DPYSL2: variants seen among roughly 807,000 people sequenced by gnomAD.
DPYSL2 encodes the protein dihydropyrimidinase like 2, also known as dihydropyrimidinase-related protein 2.
DPYSL2 carries 13 observed loss-of-function variants against 69.9 expected under a neutral mutation model. The observed-to-expected ratio is 0.19, with a 90% confidence interval of 0.12 to 0.30. The LOEUF (loss-of-function observed/expected upper bound fraction) is 0.30, where lower values mean the gene tolerates loss of function less well. DPYSL2 is among the 10% of genes least tolerant of loss of function. The pLI, the probability that DPYSL2 is intolerant of heterozygous loss-of-function variation, is 1.00. For missense variants in DPYSL2, 587 were observed against 918.9 expected (o/e 0.64, Z 4.67); for synonymous variants, 326 against 359.1 (o/e 0.91, Z 1.04).
At chr8:26,543,344 A>G (rs1470841504) in intron 1 of DPYSL2, among the ~76,000 whole-genome samples, 1 of 152,160 alleles carries the variant, frequency 6.6e-6, no homozygotes, top group Non-Finnish European at 1.5e-5. Flanking sequence ...CTCCCTTCAC[A>G]CTTCCTTCTG....
At chr8:26,579,007 G>T (rs912723705) in intron 1 of DPYSL2, among the ~76,000 whole-genome samples, 2 of 152,234 alleles carry the variant, frequency 1.3e-5, no homozygotes, top group African/African-American at 2.4e-5. Flanking sequence ...CCCTGGCGGG[G>T]ATTCGGGCTC....
chr8:26,600,454 A>T (rs537551762), intron 3 of DPYSL2, among the ~76,000 whole-genome samples: 5 of 152,288 alleles, frequency 3.3e-5, no homozygotes, highest in African/African-American at 1.2e-4. Flanking sequence ...CCTTGCCAAC[A>T]CTTGCTATTG....
intron 1 of DPYSL2, among the ~76,000 whole-genome samples, chr8:26,515,221 C>T (rs1350598995): frequency 3.9e-4 from 60 of 152,332 alleles, no homozygotes; most frequent in Non-Finnish European, 2.9e-5. Flanking sequence ...CAGCGCCCCC[C>T]GGACCCCCTC....
At position 26,650,006 on chromosome 8, in the gene DPYSL2, C is replaced by T. The variant is rs532823084; in HGVS notation, c.1596+2206C>T. ...CATTTATAAGCAACAAGACTCAACG[C>T]ATGCATTGTGTGAGATCTTGGATGC... On this transcript the variant is annotated intron_variant, in intron 11 of 13. Coordinates refer to ENST00000521913, the MANE Select transcript of DPYSL2 (RefSeq NM_001197293.3). The surrounding 1 kb of genome is among the most constrained non-coding windows in gnomAD (Gnocchi z 5.3). 1.3e-5 allele frequency among the ~76,000 whole-genome samples: 2 copies of T among 152,248 alleles called. No individual in the cohort carries two copies. Among genetic ancestry groups the T allele is most frequent in the African/African-American group, 4.8e-5 (2 of 41,542 alleles).
At chr8:26,632,608 G>T (rs1802804473) in intron 7 of DPYSL2, among the ~76,000 whole-genome samples, 1 of 152,206 alleles carries the variant, frequency 6.6e-6, no homozygotes, top group African/African-American at 2.4e-5. Context: ...GGAGGCCGAG[G>T]TGGGAAGATT....
intron 3 of DPYSL2, among the ~76,000 whole-genome samples, chr8:26,613,802 T>C (rs982840638): frequency 1.3e-5 from 2 of 152,054 alleles, no homozygotes; most frequent in African/African-American, 4.8e-5. Flanking sequence ...GTGAGTGGAA[T>C]CTAATGAGTG....
Position 26,587,606 on chromosome 8 carries a change from T to C in DPYSL2, c.628+3623T>C, listed in dbSNP as rs1563398368. On this transcript the variant is annotated intron_variant, in intron 3 of 13. Transcript: ENST00000521913. This position sits in a 1 kb window ranked among gnomAD's most constrained non-coding sequence, Gnocchi z 4.2. ...CAGCAGAAGATAATATTATTGCCAT[T>C]AAACAGAGCCTGCTATTGAGAATCA... Among the ~76,000 whole-genome samples the C allele has an allele frequency of 6.6e-6, 1 of 152,222 alleles. No individual in the cohort carries two copies. Among genetic ancestry groups the C allele is most frequent in the Non-Finnish European group, 1.5e-5 (1 of 68,042 alleles).
intron 1 of DPYSL2, among the ~76,000 whole-genome samples, chr8:26,537,697 C>A (rs1178124307): frequency 2.6e-5 from 4 of 151,608 alleles, no homozygotes; most frequent in African/African-American, 7.3e-5. Flanking sequence ...CCCCTTAATA[C>A]TTCAGTGTAT....
intron 3 of DPYSL2, among the ~76,000 whole-genome samples, chr8:26,589,521 A>G (rs1801675849): frequency 6.6e-6 from 1 of 152,262 alleles, no homozygotes; most frequent in South Asian, 2.1e-4. Flanking sequence ...AGTGATGCCA[A>G]GAGACTTAGT....
intron 11 of DPYSL2, among the ~76,000 whole-genome samples, chr8:26,651,072 A>G (rs982659747): frequency 1.3e-5 from 2 of 152,208 alleles, no homozygotes; most frequent in Non-Finnish European, 2.9e-5. Flanking sequence ...AGACAATTTT[A>G]AGTCTTGGGT....
chr8:26,628,449 G>T (rs1214708094), intron 7 of DPYSL2, among the ~76,000 whole-genome samples: 1 of 152,236 alleles, frequency 6.6e-6, no homozygotes, highest in Non-Finnish European at 1.5e-5. Context: ...CAGAGCAGGG[G>T]CCTGTGCTGG....
rs977398739 is a variant in DPYSL2, at chr8:26,516,913, A to C, written c.354+2234A>C. On this transcript the variant is annotated intron_variant, in intron 1 of 13. Coordinates refer to ENST00000521913, the MANE Select transcript of DPYSL2 (RefSeq NM_001197293.3). This position sits in a 1 kb window ranked among gnomAD's most constrained non-coding sequence, Gnocchi z 4.8. ...AAAAGGGGAAAGGCTGTGGCTATAC[A>C]TGTGTTTATATTTATAACAATGTGA... 6.6e-6 allele frequency among the ~76,000 whole-genome samples: 1 copy of C among 152,186 alleles called. No individual in the cohort carries two copies. Among genetic ancestry groups the C allele is most frequent in the African/African-American group, 2.4e-5 (1 of 41,442 alleles).
chr8:26,614,147 T>A lies in DPYSL2; in HGVS notation c.629-9996T>A, dbSNP rs1406687866. ...CTGTCTCAAAAAAATAAATAAAAGA[T>A]AAAAAATAAAGAAAATGAGGGTGGA... On this transcript the variant is annotated intron_variant, in intron 3 of 13. Transcript: ENST00000521913. The surrounding 1 kb of genome is among the most constrained non-coding windows in gnomAD (Gnocchi z 4.9). Among the ~76,000 whole-genome samples, 1 of 151,500 alleles carries A rather than the reference T, an allele frequency of 6.6e-6. No individual in the cohort carries two copies. Among genetic ancestry groups the A allele is most frequent in the African/African-American group, 2.4e-5 (1 of 41,182 alleles).
In DPYSL2 at chr8:26,650,004, C is replaced by T. The variant is rs768827800; in HGVS notation, c.1596+2204C>T. 9.4e-4 allele frequency among the ~76,000 whole-genome samples: 143 copies of T among 152,158 alleles called. No homozygotes were observed. The highest frequency in any genetic ancestry group is 1.5e-3 in the Non-Finnish European group (102 of 68,022). ...CTCATTTATAAGCAACAAGACTCAACGCATGCATTGTGTGAGATCTTGGAT... is the reference window on the plus strand; with the variant it reads ...CTCATTTATAAGCAACAAGACTCAATGCATGCATTGTGTGAGATCTTGGAT... On this transcript the variant is annotated intron_variant, in intron 11 of 13. Transcript: ENST00000521913. This position sits in a 1 kb window ranked among gnomAD's most constrained non-coding sequence, Gnocchi z 5.3.
chr8:26,550,701 A>G (rs1800860686), intron 1 of DPYSL2, among the ~76,000 whole-genome samples: 2 of 152,208 alleles, frequency 1.3e-5, no homozygotes, highest in South Asian at 4.1e-4. Flanking sequence ...TCACTCTGTT[A>G]TGAAGGCTGA....
At chr8:26,526,187 TG>T (rs1179195105) in intron 1 of DPYSL2, among the ~76,000 whole-genome samples, 7 of 152,124 alleles carry the variant, frequency 4.6e-5, no homozygotes, top group Non-Finnish European at 1.0e-4. Context: ...CGCTGCCTCC[TG>T]GGTTCAAGCG....
chr8:26,586,785 C>T lies in DPYSL2; in HGVS notation c.628+2802C>T, dbSNP rs1273171690. On this transcript the variant is annotated intron_variant, in intron 3 of 13. Transcript: ENST00000521913. The surrounding 1 kb of genome is among the most constrained non-coding windows in gnomAD (Gnocchi z 4.7). Reference sequence around the variant, plus strand: ...CGGAAAGGGGAGTGAGGAGTCTGACCGCCTGCTCTGCTTCCTTGGCCAGAA... The same window carrying T: ...CGGAAAGGGGAGTGAGGAGTCTGACTGCCTGCTCTGCTTCCTTGGCCAGAA... Among the ~76,000 whole-genome samples, 4 of 152,132 alleles carry T rather than the reference C, an allele frequency of 2.6e-5. No individual in the cohort carries two copies. Among genetic ancestry groups the T allele is most frequent in the South Asian group, 2.1e-4 (1 of 4,828 alleles).
At chr8:26,552,336 C>T (rs1382171064) in intron 1 of DPYSL2, among the ~76,000 whole-genome samples, 1 of 151,682 alleles carries the variant, frequency 6.6e-6, no homozygotes, top group Non-Finnish European at 1.5e-5. Flanking sequence ...GGAGACTAGA[C>T]AAAGAAGAGC....
At position 26,619,343 on chromosome 8, in the gene DPYSL2, G is replaced by A. The variant is rs1041776989; in HGVS notation, c.629-4800G>A. On this transcript the variant is annotated intron_variant, in intron 3 of 13. Transcript: ENST00000521913. The surrounding 1 kb of genome is among the most constrained non-coding windows in gnomAD (Gnocchi z 4.8). The stretch of plus-strand genomic sequence containing the variant: ...ATGGACACGTTTCTGAGTGTTATGA[G>A]CTCTTGAAGGAAGCATGTTTATTTC... Among the ~76,000 whole-genome samples the A allele has an allele frequency of 7.9e-5, 12 of 152,222 alleles. No homozygotes were observed. Among genetic ancestry groups the A allele is most frequent in the African/African-American group, 2.4e-4 (10 of 41,446 alleles).
Sources: allele counts gnomAD v4.1 joint callset (sites outside exome capture counted in the v4.1 genomes callset), GRCh38; gene constraint gnomAD v4.1.1; non-coding constraint Gnocchi (gnomAD v3.1); transcripts MANE v1.5; gene names NCBI Gene and HGNC (gene_info 2026-07-23, HGNC 2026-07-21).